The following GSE1 variants were observed in gnomAD, a reference collection of about 807,000 sequenced individuals.
GSE1 encodes the protein genetic suppressor element 1.
Under a neutral mutation model 112.6 loss-of-function variants are expected in GSE1, and 32 were observed. The observed-to-expected ratio is 0.28, with a 90% CI of 0.21 to 0.38. The LOEUF is 0.38. GSE1 is among the 10% of genes least tolerant of loss of function. The pLI, the probability that GSE1 is intolerant of heterozygous loss-of-function variation, is 1.00. For missense variants in GSE1, 2,348 were observed against 1,699.2 expected, an observed-to-expected ratio of 1.38 and a Z score of -6.71; for synonymous variants, 1,115 against 735.6, an observed-to-expected ratio of 1.52 and a Z score of -8.35.
intron 2 of GSE1, among the ~76,000 whole-genome samples, chr16:85,398,403 C>G (rs571167187): frequency 6.6e-6 from 1 of 152,140 alleles, no homozygotes; most frequent in Admixed American, 6.5e-5. Context: ...AGTGTGCCAG[C>G]TCCCAGTCAG....
chr16:85,656,722 G>A, intron 7 of GSE1, 57 bp downstream of exon 7: 3 of 1,442,628 alleles, frequency 2.1e-6, no homozygotes, highest in Non-Finnish European at 2.7e-6. Context: ...GCGGGGAGGA[G>A]CCCTGAATCG....
intron 1 of GSE1, among the ~76,000 whole-genome samples, chr16:85,589,185 C>G (rs117251800): frequency 6.6e-6 from 1 of 152,166 alleles, no homozygotes; most frequent in African/African-American, 2.4e-5. Flanking sequence ...CTGAAAGGAA[C>G]GTTGGTGACC....
intron 2 of GSE1, among the ~76,000 whole-genome samples, chr16:85,401,769 T>C (rs2048120464): frequency 6.6e-6 from 1 of 152,258 alleles, no homozygotes. Flanking sequence ...TACCCGTCCA[T>C]GCTGCTACTG....
At chr16:85,519,656 C>CCACCATCAT (rs2052105297) in intron 2 of GSE1, among the ~76,000 whole-genome samples, 1 of 150,272 alleles carries the variant, frequency 6.7e-6, no homozygotes, top group African/African-American at 2.4e-5. Flanking sequence ...ATCACCTTCA[C>CCACCATCAT]CACCATCACC....
intron 1 of GSE1, among the ~76,000 whole-genome samples, chr16:85,203,377 G>A (rs2075063003): frequency 6.6e-6 from 1 of 152,216 alleles, no homozygotes; most frequent in Admixed American, 6.5e-5. Context: ...TGCTAAGGTG[G>A]TGTGGCACCC....
chr16:85,348,360 C>T (rs2046786473), intron 1 of GSE1, among the ~76,000 whole-genome samples: 1 of 152,158 alleles, frequency 6.6e-6, no homozygotes, highest in Admixed American at 6.5e-5. Context: ...GTCCATCAAC[C>T]CATCCAGTTT....
At chr16:85,379,024 C>T (rs112640241) in intron 2 of GSE1, among the ~76,000 whole-genome samples, 2 of 152,194 alleles carry the variant, frequency 1.3e-5, no homozygotes, top group Non-Finnish European at 1.5e-5. Context: ...AGCCACCTAT[C>T]GCCTGCACCA....
intron 1 of GSE1, among the ~76,000 whole-genome samples, chr16:85,350,425 C>A (rs2046829506): frequency 1.3e-5 from 2 of 152,150 alleles, no homozygotes; most frequent in South Asian, 4.1e-4. Flanking sequence ...GAGCATCCTG[C>A]CCCTGTGACT....
chr16:85,217,492 C>CT (rs1181701413), intron 1 of GSE1, among the ~76,000 whole-genome samples: 3 of 152,238 alleles, frequency 2.0e-5, no homozygotes, highest in Non-Finnish European at 4.4e-5. Context: ...CCTCCATTCT[C>CT]TGAGTTTGAC....
chr16:85,639,163 C>G (rs1463459909), intron 2 of GSE1, among the ~76,000 whole-genome samples: 1 of 152,224 alleles, frequency 6.6e-6, no homozygotes, highest in Admixed American at 6.5e-5. Context: ...CTTTGTTCCT[C>G]CCACATTGTC....
chr16:85,304,586 C>T (rs1415018714), intron 1 of GSE1, among the ~76,000 whole-genome samples: 1 of 102,488 alleles, frequency 9.8e-6, no homozygotes, highest in Non-Finnish European at 1.8e-5. Flanking sequence ...TGCATGGCAG[C>T]TGCCAAGCCG....
At chr16:85,448,148 T>C (rs1035537205) in intron 2 of GSE1, among the ~76,000 whole-genome samples, 3 of 152,218 alleles carry the variant, frequency 2.0e-5, no homozygotes, top group Non-Finnish European at 2.9e-5. Context: ...TGGAAAAGGA[T>C]GTGCAGACTT....
At chr16:85,335,724 A>C (rs115057581) in intron 1 of GSE1, among the ~76,000 whole-genome samples, 199 of 152,268 alleles carry the variant, frequency 1.3e-3, no homozygotes, top group African/African-American at 4.5e-3. Context: ...GAGAAGGAAA[A>C]GAGGAAGGGA....
intron 1 of GSE1, among the ~76,000 whole-genome samples, chr16:85,300,716 C>G (rs539793301): frequency 6.6e-6 from 1 of 152,368 alleles, no homozygotes; most frequent in African/African-American, 2.4e-5. Flanking sequence ...AGCAGCCGCT[C>G]TGCACCAGGC....
intron 2 of GSE1, among the ~76,000 whole-genome samples, chr16:85,478,887 CTT>C (rs1218029761): frequency 5.9e-5 from 4 of 67,608 alleles, no homozygotes; most frequent in Middle Eastern, 5.3e-3. Context: ...TTCTTTCTTT[CTT>C]TCTTTCTTTC....
chr16:85,665,288 A>T (rs1230087692), intron 12 of GSE1, among the ~76,000 whole-genome samples, 160 bp downstream of exon 12: 1 of 152,190 alleles, frequency 6.6e-6, no homozygotes, highest in Non-Finnish European at 1.5e-5. Context: ...CACAGTTGTG[A>T]CAGTCATTGG....
intron 2 of GSE1, among the ~76,000 whole-genome samples, chr16:85,531,615 T>A (rs2044139612): frequency 6.6e-6 from 1 of 152,184 alleles, no homozygotes; most frequent in Non-Finnish European, 1.5e-5. Context: ...CCTGCCCCCC[T>A]TCCGCCCTGC....
chr16:85,570,732 A>G (rs2045948244), intron 1 of GSE1, among the ~76,000 whole-genome samples: 1 of 152,196 alleles, frequency 6.6e-6, no homozygotes, highest in African/African-American at 2.4e-5. Context: ...TGCAACTGCC[A>G]GGGCAGTTCC....
intron 1 of GSE1, among the ~76,000 whole-genome samples, chr16:85,297,110 T>C (rs1461470404): frequency 6.6e-6 from 1 of 152,218 alleles, no homozygotes; most frequent in African/African-American, 2.4e-5. Context: ...GTGATGCCAG[T>C]GAATCCTGCT....
Sources: gnomAD v4.1 joint callset for allele counts (sites outside exome capture counted in the v4.1 genomes callset) on GRCh38, gnomAD v4.1.1 for gene constraint, MANE v1.5 for transcripts, NCBI Gene and HGNC (gene_info 2026-07-23, HGNC 2026-07-21) for gene names.